LIX1: variants seen among roughly 807,000 people sequenced by gnomAD.
LIX1 encodes protein limb expression 1 homolog.
In LIX1, 24 loss-of-function variants were observed where a neutral mutation model predicts 33.4. The ratio of observed to expected loss-of-function variants is 0.72; its 90% confidence interval spans 0.52 to 1.01. LIX1 has a LOEUF of 1.01. Among genes scored for constraint, LIX1 ranks in the 50% least tolerant of loss-of-function variants. The pLI is 0.00. For missense variants in LIX1, 311 were observed against 339.2 expected (o/e 0.92, Z 0.65); for synonymous variants, 124 against 124.0 (o/e 1.00, Z 0.00).
chr5:97,109,748 A>G (rs980603772), intron 2 of LIX1, among the ~76,000 whole-genome samples: 4 of 149,712 alleles, frequency 2.7e-5, no homozygotes, highest in African/African-American at 9.9e-5. Flanking sequence ...CCCCCTCCCA[A>G]TCTTCTCCCC....
intron 2 of LIX1, among the ~76,000 whole-genome samples, chr5:97,117,862 AC>A (rs1408560399): frequency 6.6e-6 from 1 of 150,798 alleles, no homozygotes; most frequent in African/African-American, 2.4e-5. Context: ...ACTGTGTGCC[AC>A]CCCGCATCTC....
In LIX1 at chr5:97,142,546, T is replaced by C. The variant is rs1444245972; in HGVS notation, c.31A>G (p.Ile11Val). Residue 11 changes from isoleucine (I) to valine (V), a missense_variant, in exon 1 of 6, where the codon ATC (isoleucine) becomes GTC (valine). Coordinates refer to ENST00000274382, the MANE Select transcript of LIX1 (RefSeq NM_153234.5). The part of the protein sequence containing the change: MDRTLESLRH[I>V]IAQVLPHRDP... ...CTGTGAGGCAAGACTTGGGCAATGA[T>C]GTGTCTCAGAGATTCCAAGGTTCTG... 1 of 1,614,112 alleles carries C rather than the reference T, an allele frequency of 6.2e-7. No individual in the cohort carries two copies. Among genetic ancestry groups the C allele is most frequent in the South Asian group, 1.1e-5 (1 of 91,072 alleles).
At chr5:97,136,945 G>A (rs893261964) in intron 1 of LIX1, among the ~76,000 whole-genome samples, 3 of 152,104 alleles carry the variant, frequency 2.0e-5, no homozygotes, top group African/African-American at 7.2e-5. Flanking sequence ...AAAGAAGTAA[G>A]AGTGTTTGGG....
At chr5:97,113,645 T>A (rs1747530120) in intron 2 of LIX1, among the ~76,000 whole-genome samples, 1 of 152,224 alleles carries the variant, frequency 6.6e-6, no homozygotes, top group African/African-American at 2.4e-5. Flanking sequence ...TGTTTTGTTC[T>A]CTGGTCTGTC....
chr5:97,116,446 G>A (rs1334037946), intron 2 of LIX1, among the ~76,000 whole-genome samples: 1 of 151,728 alleles, frequency 6.6e-6, no homozygotes. Flanking sequence ...GTGGGGGAGG[G>A]GACTGCTCTG....
intron 2 of LIX1, among the ~76,000 whole-genome samples, chr5:97,120,884 T>C (rs1382688668): frequency 6.6e-6 from 1 of 152,158 alleles, no homozygotes; most frequent in Non-Finnish European, 1.5e-5. Context: ...TGTAAAGAGT[T>C]CCCAGAAAGT....
chr5:97,130,065 T>G (rs1239074294), intron 1 of LIX1, among the ~76,000 whole-genome samples: 1 of 152,242 alleles, frequency 6.6e-6, no homozygotes, highest in Non-Finnish European at 1.5e-5. Flanking sequence ...ATCATCAATC[T>G]TCAGCCAACT....
chr5:97,111,953 G>A (rs1339025215), intron 2 of LIX1, among the ~76,000 whole-genome samples: 1 of 152,188 alleles, frequency 6.6e-6, no homozygotes, highest in Non-Finnish European at 1.5e-5. Flanking sequence ...TTATTTCAAT[G>A]TACAGAATCT....
chr5:97,119,684 T>A (rs1006392972), intron 2 of LIX1, among the ~76,000 whole-genome samples: 4 of 152,116 alleles, frequency 2.6e-5, no homozygotes, highest in Non-Finnish European at 4.4e-5. Context: ...ATCAGAGAAA[T>A]CAGCAAGAGG....
At chr5:97,137,986 G>A (rs1337465167) in intron 1 of LIX1, among the ~76,000 whole-genome samples, 8 of 152,138 alleles carry the variant, frequency 5.3e-5, no homozygotes, top group East Asian at 1.9e-4. Flanking sequence ...TAATAGCCCT[G>A]TAGTCTGGTC....
chr5:97,107,493 A>C lies in LIX1; in HGVS notation c.254T>G (p.Leu85Ter). 1 of 1,614,096 alleles carries C rather than the reference A, an allele frequency of 6.2e-7. No individual in the cohort carries two copies. The highest frequency in any genetic ancestry group is 8.5e-7 in the Non-Finnish European group (1 of 1,180,000). ...GSCFGNFQCC[L>*]SRAEARRDAA... ...ATCCCGCCTGGCCTCGGCTCTACTT[A>C]AGCAGCACTTGAGAAGGGAGGGAGA... The change falls in exon 3 of 6, where the codon TTA (leucine) becomes TGA (stop). Residue 85 changes from leucine to a stop codon, truncating the protein, a stop_gained. Coordinates refer to ENST00000274382, the MANE Select transcript of LIX1 (RefSeq NM_153234.5). LOFTEE classifies it high-confidence loss of function.
At chr5:97,099,303 C>A (rs1746556187) in intron 4 of LIX1, among the ~76,000 whole-genome samples, 1 of 152,202 alleles carries the variant, frequency 6.6e-6, no homozygotes, top group South Asian at 2.1e-4. Flanking sequence ...ATCAAAGTGG[C>A]CCCAGTGGCT....
At chr5:97,138,066 C>T (rs186812284) in intron 1 of LIX1, among the ~76,000 whole-genome samples, 3 of 152,246 alleles carry the variant, frequency 2.0e-5, no homozygotes, top group African/African-American at 7.2e-5. Context: ...TAAATAAAAC[C>T]TTTCATGCAG....
intron 1 of LIX1, among the ~76,000 whole-genome samples, chr5:97,140,621 C>A (rs932123388): frequency 2.6e-5 from 4 of 152,214 alleles, no homozygotes; most frequent in Non-Finnish European, 4.4e-5. Flanking sequence ...TCCAGACAGA[C>A]TTTTAATGTC....
intron 2 of LIX1, among the ~76,000 whole-genome samples, chr5:97,107,978 C>T (rs192499601): frequency 3.3e-4 from 51 of 152,272 alleles, no homozygotes; most frequent in African/African-American, 1.2e-3. Flanking sequence ...AACTATAAGA[C>T]CTTGAGTAGG....
intron 4 of LIX1, among the ~76,000 whole-genome samples, chr5:97,097,989 G>C (rs1021351675): frequency 6.6e-6 from 1 of 152,212 alleles, no homozygotes; most frequent in Non-Finnish European, 1.5e-5. Flanking sequence ...ACCTTCTTCA[G>C]CCCTTTTCTG....
In LIX1 at chr5:97,093,756, AATG is replaced by A. The variant is rs1329240174; in HGVS notation, c.*989_*991del. ...AAGATTCCAGTGACTTAAACTTAAT[AATG>A]ATACTACATTTGAGCTACTGGTTGC... On this transcript the variant is annotated 3_prime_UTR_variant, in exon 6 of 6. Coordinates refer to ENST00000274382, the MANE Select transcript of LIX1 (RefSeq NM_153234.5). 1.3e-5 allele frequency: 2 copies of A among 152,342 alleles called. No individual in the cohort carries two copies. Among genetic ancestry groups the A allele is most frequent in the East Asian group, 3.7e-4 (2 of 5,346 alleles). 9.4% of individuals were successfully genotyped at this position (152,342 alleles called of 1,614,324 possible). A position where few individuals can be genotyped will look rare whatever the true frequency, so the allele number is the denominator to read the frequency against.
chr5:97,136,484 G>C (rs532856482), intron 1 of LIX1, among the ~76,000 whole-genome samples: 1 of 152,344 alleles, frequency 6.6e-6, no homozygotes, highest in African/African-American at 2.4e-5. Flanking sequence ...TGCACTGCTA[G>C]GTGTGTGTTC....
At chr5:97,134,120 C>CAT (rs929825216) in intron 1 of LIX1, among the ~76,000 whole-genome samples, 1 of 151,992 alleles carries the variant, frequency 6.6e-6, no homozygotes, top group East Asian at 1.9e-4. Flanking sequence ...AGATGATTAC[C>CAT]ATATATATAT....
Sources: allele counts gnomAD v4.1 joint callset (sites outside exome capture counted in the v4.1 genomes callset), GRCh38; gene constraint gnomAD v4.1.1; transcripts MANE v1.5; gene names NCBI Gene and HGNC (gene_info 2026-07-23, HGNC 2026-07-21).